SNX9: variants seen among roughly 807,000 people sequenced by gnomAD.
SNX9 encodes the protein sorting nexin-9.
In SNX9, 44 loss-of-function variants were observed where a neutral mutation model predicts 89.4. The observed-to-expected ratio is 0.49, with a 90% CI of 0.39 to 0.63. The LOEUF is 0.63. Among genes scored for constraint, SNX9 ranks in the 30% least tolerant of loss-of-function variants. SNX9 has a pLI of 0.00. For synonymous variants in SNX9, 236 were observed against 247.8 expected (o/e 0.95, Z 0.45); for missense variants, 578 against 736.1 (o/e 0.79, Z 2.49).
chr6:157,921,791 A>G, intron 10 of SNX9, 130 bp downstream of exon 10: 1 of 1,057,436 alleles, frequency 9.5e-7, no homozygotes, highest in Non-Finnish European at 1.3e-6. Flanking sequence ...CAGTGAGGGG[A>G]CAGAAACCTA....
intron 5 of SNX9, among the ~76,000 whole-genome samples, chr6:157,899,258 C>T (rs890444431): frequency 3.9e-5 from 6 of 152,164 alleles, no homozygotes; most frequent in Non-Finnish European, 7.3e-5. Flanking sequence ...ATGTCCCCCT[C>T]GTTGCCCTTC....
intron 1 of SNX9, among the ~76,000 whole-genome samples, chr6:157,854,486 A>G (rs563291049): frequency 1.7e-4 from 26 of 152,358 alleles, no homozygotes; most frequent in African/African-American, 6.0e-4. Context: ...ATGTAAGCAT[A>G]TACTGTGATT....
chr6:157,914,477 T>G (rs1008281865), intron 9 of SNX9, among the ~76,000 whole-genome samples: 3 of 126,976 alleles, frequency 2.4e-5, no homozygotes, highest in Non-Finnish European at 5.0e-5. Flanking sequence ...TTCTTTTTTT[T>G]TTTTTTTTTT....
chr6:157,851,065 G>A (rs982106795), intron 1 of SNX9, among the ~76,000 whole-genome samples: 2 of 152,046 alleles, frequency 1.3e-5, no homozygotes, highest in African/African-American at 2.4e-5. Flanking sequence ...AGACCAACCT[G>A]GCCCACATGG....
At chr6:157,926,119 C>T (rs1783686841) in intron 10 of SNX9, among the ~76,000 whole-genome samples, 1 of 152,134 alleles carries the variant, frequency 6.6e-6, no homozygotes, top group Admixed American at 6.6e-5. Flanking sequence ...TATTAAGTTT[C>T]AAAACATGAA....
At chr6:157,899,186 A>T (rs927663478) in intron 5 of SNX9, among the ~76,000 whole-genome samples, 2 of 151,798 alleles carry the variant, frequency 1.3e-5, no homozygotes, top group African/African-American at 4.9e-5. Flanking sequence ...GTAGCTACTG[A>T]TGCTGCTTAA....
chr6:157,855,569 G>A (rs1781993682), intron 1 of SNX9, among the ~76,000 whole-genome samples: 1 of 152,162 alleles, frequency 6.6e-6, no homozygotes, highest in African/African-American at 2.4e-5. Flanking sequence ...TAGACTGATA[G>A]GTGAAAAATA....
chr6:157,849,101 C>G (rs1209664627), intron 1 of SNX9, among the ~76,000 whole-genome samples: 1 of 152,032 alleles, frequency 6.6e-6, no homozygotes, highest in Non-Finnish European at 1.5e-5. Flanking sequence ...ACAGTGAGAC[C>G]TTGTCTCAAG....
chr6:157,874,243 A>G (rs1206331351), intron 3 of SNX9: 2 of 152,462 alleles, frequency 1.3e-5, no homozygotes, highest in East Asian at 1.9e-4. Flanking sequence ...GTGCCCATGC[A>G]CACACCACAG....
intron 1 of SNX9, among the ~76,000 whole-genome samples, chr6:157,828,109 T>C (rs1781415796): frequency 6.6e-6 from 1 of 152,182 alleles, no homozygotes; most frequent in African/African-American, 2.4e-5. Context: ...TTCTAACAGG[T>C]CTTAAGGATT....
chr6:157,936,536 G>A (rs760544711), intron 14 of SNX9, among the ~76,000 whole-genome samples: 2 of 152,178 alleles, frequency 1.3e-5, no homozygotes, highest in African/African-American at 2.4e-5. Context: ...CTAAATGAAT[G>A]CACTCCAGTA....
At chr6:157,861,937 T>A (rs1306226635) in intron 1 of SNX9, among the ~76,000 whole-genome samples, 1 of 152,184 alleles carries the variant, frequency 6.6e-6, no homozygotes, top group Non-Finnish European at 1.5e-5. Flanking sequence ...GTCAGTCTAC[T>A]AAATGGGACG....
intron 4 of SNX9, among the ~76,000 whole-genome samples, chr6:157,883,241 G>A (rs147404397): frequency 1.3e-5 from 2 of 152,280 alleles, no homozygotes; most frequent in East Asian, 3.9e-4. Context: ...TATACATAAT[G>A]CTCTCGCACA....
At chr6:157,841,112 TGG>T (rs1781694630) in intron 1 of SNX9, among the ~76,000 whole-genome samples, 1 of 152,196 alleles carries the variant, frequency 6.6e-6, no homozygotes, top group Non-Finnish European at 1.5e-5. Flanking sequence ...CCCTGAGAAC[TGG>T]GGCAGAATGC....
At chr6:157,903,194 T>C (rs1204424811) in intron 6 of SNX9, among the ~76,000 whole-genome samples, 2 of 151,202 alleles carry the variant, frequency 1.3e-5, no homozygotes, top group Non-Finnish European at 2.9e-5. Flanking sequence ...CTAATACTTT[T>C]TCCCAATATT....
intron 1 of SNX9, among the ~76,000 whole-genome samples, chr6:157,838,693 T>C (rs1781633587): frequency 6.6e-6 from 1 of 152,236 alleles, no homozygotes; most frequent in Non-Finnish European, 1.5e-5. Context: ...GGAATGGTGT[T>C]AAATACTTGA....
At chr6:157,886,696 G>A (rs1395707393) in intron 4 of SNX9, among the ~76,000 whole-genome samples, 2 of 152,082 alleles carry the variant, frequency 1.3e-5, no homozygotes. Flanking sequence ...ATTCCAATTT[G>A]GAATTCAGGA....
chr6:157,898,715 A>AT (rs1783031370), intron 5 of SNX9, among the ~76,000 whole-genome samples: 1 of 152,164 alleles, frequency 6.6e-6, no homozygotes, highest in Non-Finnish European at 1.5e-5. Flanking sequence ...GTCTCCCATT[A>AT]TTTTTTAACA....
intron 1 of SNX9, chr6:157,829,381 G>A (rs987336237): frequency 6.6e-6 from 1 of 152,076 alleles, no homozygotes; most frequent in Admixed American, 6.5e-5. Context: ...AATCAATACT[G>A]TACCTGGAAA....
Sources: allele counts gnomAD v4.1 joint callset (sites outside exome capture counted in the v4.1 genomes callset), GRCh38; gene constraint gnomAD v4.1.1; transcripts MANE v1.5; gene names NCBI Gene and HGNC (gene_info 2026-07-23, HGNC 2026-07-21).